The following CDH4 variants were observed in gnomAD, a reference collection of about 807,000 sequenced individuals.
The protein encoded by CDH4 is cadherin-4.
CDH4 carries 33 observed loss-of-function variants against 86.0 expected under a neutral mutation model. The observed-to-expected ratio is 0.38, with a 90% CI of 0.29 to 0.51. The LOEUF is 0.51. Among genes scored for constraint, CDH4 ranks in the 20% least tolerant of loss-of-function variants. The pLI, the probability that CDH4 is intolerant of heterozygous loss-of-function variation, is 0.86. For synonymous variants in CDH4, 555 were observed against 549.4 expected (o/e 1.01, Z -0.14); for missense variants, 1,114 against 1,307.4 (o/e 0.85, Z 2.28).
rs185685821 is a variant in CDH4, at chr20:61,708,047, C to T, written c.170-35516C>T. ...ACCAGTGCTGAGGAGAGGAGGCAGC[C>T]CAGCTGGCTGTGCCCTGGACCCAGG... On this transcript the variant is annotated intron_variant, in intron 2 of 15. Coordinates refer to ENST00000614565, the MANE Select transcript of CDH4 (RefSeq NM_001794.5). This position sits in a 1 kb window ranked among gnomAD's most constrained non-coding sequence, Gnocchi z 4.5. Among the ~76,000 whole-genome samples, 263 of 152,254 alleles carry T rather than the reference C, an allele frequency of 1.7e-3. No individual in the cohort carries two copies. Among genetic ancestry groups the T allele is most frequent in the African/African-American group, 5.8e-3 (242 of 41,554 alleles).
intron 2 of CDH4, among the ~76,000 whole-genome samples, chr20:61,592,306 C>G (rs543333627): frequency 6.6e-6 from 1 of 152,256 alleles, no homozygotes; most frequent in Non-Finnish European, 1.5e-5. Context: ...TGATGTTTCT[C>G]CCATGGCCCC....
intron 8 of CDH4, among the ~76,000 whole-genome samples, chr20:61,901,197 T>TGAGCAGGAGCAG (rs76046588): frequency 0.023 from 3,412 of 149,008 alleles, 103 homozygotes; most frequent in African/African-American, 0.068. Context: ...GGTATTGCAG[T>TGAGCAGGAGCAG]GAGCAGGAGC....
chr20:61,901,001 C>T (rs1816786271), intron 8 of CDH4, among the ~76,000 whole-genome samples: 1 of 152,238 alleles, frequency 6.6e-6, no homozygotes, highest in African/African-American at 2.4e-5. Context: ...GTGTCCTTCA[C>T]CCTGGCACAG....
intron 3 of CDH4, among the ~76,000 whole-genome samples, chr20:61,770,325 TCAG>T (rs1182620743): frequency 2.6e-5 from 4 of 152,198 alleles, no homozygotes; most frequent in Non-Finnish European, 5.9e-5. Context: ...CAGCCTGTGG[TCAG>T]ATGCCTCCCG....
intron 2 of CDH4, among the ~76,000 whole-genome samples, chr20:61,559,313 A>G (rs148062777): frequency 0.037 from 5,643 of 152,046 alleles, 240 homozygotes; most frequent in African/African-American, 0.11. Context: ...GTGAGACTCC[A>G]TCTCAAAAAG....
chr20:61,490,653 C>A (rs1350114810), intron 2 of CDH4, among the ~76,000 whole-genome samples: 1 of 151,920 alleles, frequency 6.6e-6, no homozygotes, highest in East Asian at 1.9e-4. Context: ...GAGCTGAGAT[C>A]ACGCCATTGC....
At chr20:61,883,167 G>A (rs145199820) in intron 7 of CDH4, among the ~76,000 whole-genome samples, 142 of 141,340 alleles carry the variant, frequency 1.0e-3, no homozygotes, top group African/African-American at 3.2e-3. Context: ...CATTCCTCCC[G>A]AGACCTCCAC....
chr20:61,580,207 C>T lies in CDH4; in HGVS notation c.170-163356C>T, dbSNP rs930978084. Among the ~76,000 whole-genome samples the T allele has an allele frequency of 2.6e-5, 4 of 152,218 alleles. No individual in the cohort carries two copies. In the South Asian group the frequency reaches 8.3e-4, roughly 32 times the overall value. On this transcript the variant is annotated intron_variant, in intron 2 of 15. Transcript: ENST00000614565. ...CAGTGGCTCACACCTGTAATCCTAG[C>T]ACTTTGGGAGGCCTAGACGGGTGAA...
chr20:61,678,604 T>G (rs1040246495), intron 2 of CDH4, among the ~76,000 whole-genome samples: 6 of 152,186 alleles, frequency 3.9e-5, no homozygotes, highest in African/African-American at 1.4e-4. Context: ...CTGGGCACCT[T>G]AAAATGACAG....
intron 2 of CDH4, among the ~76,000 whole-genome samples, chr20:61,298,147 C>T (rs1049387367): frequency 2.6e-5 from 4 of 152,148 alleles, no homozygotes; most frequent in Admixed American, 2.0e-4. Context: ...TGCGATTGGG[C>T]GCCAGAGCTG....
In CDH4 at chr20:61,476,788, G is replaced by A. The variant is rs1188134195; in HGVS notation, c.169+221851G>A. ...AATATGGTTGAAAGGACATGGCTGGGGACAGGATGTCTGTGCATGGATCCC... is the reference window on the plus strand; with the variant it reads ...AATATGGTTGAAAGGACATGGCTGGAGACAGGATGTCTGTGCATGGATCCC... On this transcript the variant is annotated intron_variant, in intron 2 of 15. Coordinates refer to ENST00000614565, the MANE Select transcript of CDH4 (RefSeq NM_001794.5). Among the ~76,000 whole-genome samples, 3 of 152,240 alleles carry A rather than the reference G, an allele frequency of 2.0e-5. No individual in the cohort carries two copies. The East Asian group carries it at 5.8e-4, about 29-fold the overall frequency.
chr20:61,870,519 C>T (rs1371325502), intron 6 of CDH4, among the ~76,000 whole-genome samples: 2 of 152,214 alleles, frequency 1.3e-5, no homozygotes, highest in East Asian at 1.9e-4. Flanking sequence ...TCTCCCTCCA[C>T]CTTCTGCATG....
rs74744767 is a variant in CDH4 at position 61,807,590 on chromosome 20, G to A, written c.576+34408G>A. ...GAGTGTGACCAAGGGCAGGTGTTCC[G>A]TGCAGGGCTGGTTGGTGTGAGGCCA... On this transcript the variant is annotated intron_variant, in intron 4 of 15. Coordinates refer to ENST00000614565, the MANE Select transcript of CDH4 (RefSeq NM_001794.5). This position sits in a 1 kb window ranked among gnomAD's most constrained non-coding sequence, Gnocchi z 4.5. Among the ~76,000 whole-genome samples, 208 of 152,298 alleles carry A rather than the reference G, an allele frequency of 1.4e-3. No individual in the cohort carries two copies. The highest frequency in any genetic ancestry group is 4.6e-3 in the East Asian group (24 of 5,174).
chr20:61,647,823 G>T (rs1026032958), intron 2 of CDH4, among the ~76,000 whole-genome samples: 6 of 152,152 alleles, frequency 3.9e-5, no homozygotes, highest in African/African-American at 9.7e-5. Flanking sequence ...ACAGCAATGT[G>T]TCAGACTCAG....
At chr20:61,487,683 C>G (rs746633379) in intron 2 of CDH4, among the ~76,000 whole-genome samples, 1 of 152,164 alleles carries the variant, frequency 6.6e-6, no homozygotes, top group African/African-American at 2.4e-5. Flanking sequence ...TTGTACTAGA[C>G]CCTCAATTTT....
chr20:61,271,634 G>A (rs752097392), intron 2 of CDH4, among the ~76,000 whole-genome samples: 32 of 152,262 alleles, frequency 2.1e-4, no homozygotes, highest in Non-Finnish European at 2.9e-4. Flanking sequence ...GCTCTCCCCC[G>A]GCCTCTTCTT....
intron 2 of CDH4, chr20:61,570,118 G>T (rs1195842530): frequency 2.0e-5 from 3 of 152,634 alleles, no homozygotes; most frequent in Non-Finnish European, 4.4e-5. Context: ...AACAAGTGCA[G>T]GAAAATATTG....
chr20:61,609,189 A>T lies in CDH4; in HGVS notation c.170-134374A>T, dbSNP rs1297626165. 2.0e-5 allele frequency among the ~76,000 whole-genome samples: 3 copies of T among 152,206 alleles called. No individual in the cohort carries two copies. In the South Asian group the frequency reaches 6.2e-4, roughly 32 times the overall value. On this transcript the variant is annotated intron_variant, in intron 2 of 15. Coordinates refer to ENST00000614565, the MANE Select transcript of CDH4 (RefSeq NM_001794.5). ...ACATCTCAGTATGTCTCTCTGAATC[A>T]TCGTTGTAAAACCAAACACATGGAC...
chr20:61,635,695 G>A (rs770351626), intron 2 of CDH4, among the ~76,000 whole-genome samples: 1 of 152,210 alleles, frequency 6.6e-6, no homozygotes, highest in Non-Finnish European at 1.5e-5. Flanking sequence ...GGGGGTTGGA[G>A]TAGGAGGAGG....
Sources: allele counts gnomAD v4.1 joint callset (sites outside exome capture counted in the v4.1 genomes callset), GRCh38; gene constraint gnomAD v4.1.1; non-coding constraint Gnocchi (gnomAD v3.1); transcripts MANE v1.5; gene names NCBI Gene and HGNC (gene_info 2026-07-23, HGNC 2026-07-21).